Variants in EXOC4 observed in about 807,000 individuals in gnomAD.
EXOC4 encodes exocyst complex component 4.
EXOC4 carries 71 observed loss-of-function variants against 107.2 expected under a neutral mutation model. That is an observed-to-expected ratio of 0.66 (90% CI 0.55 to 0.81). EXOC4 has a LOEUF of 0.81. Among genes scored for constraint, EXOC4 ranks in the 30% least tolerant of loss-of-function variants. EXOC4 has a pLI of 0.00. For synonymous variants in EXOC4, 456 were observed against 441.2 expected (o/e 1.03, Z -0.42); for missense variants, 1,108 against 1,189.6 (o/e 0.93, Z 1.01).
chr7:133,494,855 C>T (rs1298102160), intron 9 of EXOC4, among the ~76,000 whole-genome samples: 2 of 152,094 alleles, frequency 1.3e-5, no homozygotes, highest in East Asian at 3.9e-4. Context: ...TTTTAAGTAA[C>T]GTCTACTTTT....
intron 11 of EXOC4, among the ~76,000 whole-genome samples, chr7:133,858,653 T>C (rs1219009978): frequency 2.0e-5 from 3 of 152,176 alleles, no homozygotes; most frequent in Admixed American, 1.3e-4. Flanking sequence ...TGGAAACTTC[T>C]TGAGGATGGA....
chr7:133,940,938 G>A (rs1490077149), intron 14 of EXOC4, among the ~76,000 whole-genome samples: 1 of 151,960 alleles, frequency 6.6e-6, no homozygotes, highest in Non-Finnish European at 1.5e-5. Flanking sequence ...ATTTGGTATG[G>A]TAAAGGCCAT....
chr7:133,399,368 G>A (rs1407283100), intron 7 of EXOC4, among the ~76,000 whole-genome samples: 1 of 151,890 alleles, frequency 6.6e-6, no homozygotes, highest in Non-Finnish European at 1.5e-5. Flanking sequence ...AAAATTTCAT[G>A]AACTAAACCT....
chr7:133,660,020 A>G (rs1476559137), intron 10 of EXOC4, among the ~76,000 whole-genome samples: 2 of 152,176 alleles, frequency 1.3e-5, no homozygotes, highest in East Asian at 3.9e-4. Context: ...GGCTGACACC[A>G]TCAGCCACCA....
At chr7:133,854,204 A>G (rs182975547) in intron 11 of EXOC4, among the ~76,000 whole-genome samples, 1 of 152,238 alleles carries the variant, frequency 6.6e-6, no homozygotes, top group East Asian at 1.9e-4. Flanking sequence ...ATGCCTCTGC[A>G]GACACGAGCT....
chr7:133,527,798 A>C (rs1303094432), intron 9 of EXOC4, among the ~76,000 whole-genome samples: 1 of 152,208 alleles, frequency 6.6e-6, no homozygotes, highest in African/African-American at 2.4e-5. Flanking sequence ...GTATTCCCAA[A>C]TAAAATACAA....
chr7:133,954,262 A>G (rs946727360), intron 14 of EXOC4, among the ~76,000 whole-genome samples: 18 of 152,336 alleles, frequency 1.2e-4, no homozygotes, highest in African/African-American at 3.8e-4. Context: ...AATCTATCAG[A>G]TGACTGGAAA....
At chr7:133,841,412 G>C (rs1476674968) in intron 11 of EXOC4, among the ~76,000 whole-genome samples, 1 of 152,164 alleles carries the variant, frequency 6.6e-6, no homozygotes, top group East Asian at 1.9e-4. Context: ...GTCTACCATG[G>C]TTCCCAGGTT....
At chr7:133,850,460 A>G (rs751663837) in intron 11 of EXOC4, among the ~76,000 whole-genome samples, 1 of 151,994 alleles carries the variant, frequency 6.6e-6, no homozygotes, top group Non-Finnish European at 1.5e-5. Context: ...TTTTAGTGGT[A>G]GCACATCACC....
At chr7:133,852,830 C>T (rs541587348) in intron 11 of EXOC4, among the ~76,000 whole-genome samples, 3 of 152,172 alleles carry the variant, frequency 2.0e-5, no homozygotes, top group Non-Finnish European at 4.4e-5. Context: ...GGAATAGCAA[C>T]ATTTGCTGCC....
intron 9 of EXOC4, among the ~76,000 whole-genome samples, chr7:133,606,231 C>A (rs1801942578): frequency 6.6e-6 from 1 of 152,120 alleles, no homozygotes; most frequent in Non-Finnish European, 1.5e-5. Context: ...TGTTCCATCT[C>A]ATCATGCCCT....
intron 9 of EXOC4, among the ~76,000 whole-genome samples, chr7:133,504,642 A>G (rs1799634368): frequency 6.6e-6 from 1 of 152,110 alleles, no homozygotes; most frequent in Non-Finnish European, 1.5e-5. Context: ...ATGGGTGGAA[A>G]AGAATGCCTT....
At chr7:133,620,640 A>G (rs983901599) in intron 9 of EXOC4, among the ~76,000 whole-genome samples, 1 of 152,234 alleles carries the variant, frequency 6.6e-6, no homozygotes, top group Non-Finnish European at 1.5e-5. Context: ...GAAATGAAGT[A>G]CTGATTCCTG....
chr7:133,273,554 T>G (rs1200197613), intron 1 of EXOC4, among the ~76,000 whole-genome samples: 2 of 152,196 alleles, frequency 1.3e-5, no homozygotes, highest in South Asian at 4.1e-4. Flanking sequence ...ATTCATGATA[T>G]AGCTGATCTT....
chr7:133,775,433 C>T (rs1585136398), intron 10 of EXOC4, among the ~76,000 whole-genome samples: 1 of 152,164 alleles, frequency 6.6e-6, no homozygotes, highest in East Asian at 1.9e-4. Flanking sequence ...GAACACGTGA[C>T]CTTCTTAATC....
At chr7:133,386,727 G>A (rs1183774183) in intron 7 of EXOC4, among the ~76,000 whole-genome samples, 1 of 152,328 alleles carries the variant, frequency 6.6e-6, no homozygotes, top group South Asian at 2.1e-4. Flanking sequence ...GTGGTAAAAG[G>A]TGATGTAGAA....
chr7:133,281,894 G>A (rs1199089297), intron 2 of EXOC4, among the ~76,000 whole-genome samples: 2 of 151,870 alleles, frequency 1.3e-5, no homozygotes, highest in Admixed American at 6.6e-5. Context: ...GTAGAGATGG[G>A]GTTTCACCAT....
At chr7:133,826,401 CA>C (rs1237314484) in intron 11 of EXOC4, among the ~76,000 whole-genome samples, 2 of 152,108 alleles carry the variant, frequency 1.3e-5, no homozygotes, top group Non-Finnish European at 2.9e-5. Flanking sequence ...GCATATAAAA[CA>C]TAGATTTGGT....
intron 7 of EXOC4, among the ~76,000 whole-genome samples, chr7:133,417,233 C>T (rs369037894): frequency 5.9e-5 from 9 of 152,264 alleles, no homozygotes; most frequent in African/African-American, 2.2e-4. Context: ...TAGGACAGAA[C>T]TTAGGCACTA....
Sources: gnomAD v4.1 joint callset for allele counts (sites outside exome capture counted in the v4.1 genomes callset) on GRCh38, gnomAD v4.1.1 for gene constraint, MANE v1.5 for transcripts, NCBI Gene and HGNC (gene_info 2026-07-23, HGNC 2026-07-21) for gene names.